Variants in ADGRB1 observed in about 807,000 individuals in gnomAD.
ADGRB1 encodes the protein brain-specific angiogenesis inhibitor 1.
Under a neutral mutation model 175.7 loss-of-function variants are expected in ADGRB1, and 36 were observed. That is an observed-to-expected ratio of 0.20 (90% CI 0.16 to 0.27). The LOEUF (loss-of-function observed/expected upper bound fraction) is 0.27, where lower values mean the gene tolerates loss of function less well. ADGRB1 is among the 10% of genes least tolerant of loss of function. The probability of loss-of-function intolerance (pLI) is 1.00; values close to 1 mark genes in which losing one functional copy is unlikely to be tolerated. For missense variants in ADGRB1, 1,731 were observed against 2,255.3 expected (o/e 0.77, Z 4.71); for synonymous variants, 1,054 against 979.4 (o/e 1.08, Z -1.42).
intron 17 of ADGRB1, among the ~76,000 whole-genome samples, chr8:142,507,304 G>A (rs1452293029): frequency 3.3e-5 from 5 of 152,306 alleles, no homozygotes; most frequent in South Asian, 2.1e-4. Flanking sequence ...CCAGGAGGAC[G>A]GAGGAGGTAG....
At chr8:142,505,512 T>A (rs1328449734) in intron 17 of ADGRB1, among the ~76,000 whole-genome samples, 2 of 151,400 alleles carry the variant, frequency 1.3e-5, no homozygotes, top group African/African-American at 4.9e-5. Flanking sequence ...CGACGTGAGG[T>A]GGGGATCCAC....
chr8:142,517,347 AC>A (rs1328273677), intron 18 of ADGRB1, among the ~76,000 whole-genome samples: 2 of 152,156 alleles, frequency 1.3e-5, no homozygotes, highest in African/African-American at 4.8e-5. Flanking sequence ...TATTCAGGTC[AC>A]CCCGGCACCC....
intron 26 of ADGRB1, among the ~76,000 whole-genome samples, chr8:142,538,943 G>A (rs551839455): frequency 1.6e-4 from 24 of 152,260 alleles, no homozygotes; most frequent in Non-Finnish European, 2.6e-4. Flanking sequence ...GCTCCCAGAC[G>A]CCTTGGAGAG....
chr8:142,480,573 G>A (rs1391586579), intron 9 of ADGRB1, among the ~76,000 whole-genome samples: 7 of 152,302 alleles, frequency 4.6e-5, no homozygotes, highest in East Asian at 1.9e-4. Context: ...GCACGGTGGC[G>A]TGCCTCCCCT....
intron 18 of ADGRB1, among the ~76,000 whole-genome samples, chr8:142,517,092 G>A (rs1026880027): frequency 6.6e-6 from 1 of 152,168 alleles, no homozygotes; most frequent in Non-Finnish European, 1.5e-5. Context: ...GGTCTTCTGG[G>A]GGCACCGCTG....
At chr8:142,471,165 A>G (rs1254552663) in intron 2 of ADGRB1, among the ~76,000 whole-genome samples, 1 of 152,104 alleles carries the variant, frequency 6.6e-6, no homozygotes, top group Non-Finnish European at 1.5e-5. Context: ...AGAAAACAAG[A>G]AGGCTTCAGT....
Position 142,518,133 on chromosome 8 carries a change from C to T in ADGRB1, c.2818-5C>T, listed in dbSNP as rs1226046510. The T allele has an allele frequency of 1.2e-6, 2 of 1,613,326 alleles. No individual in the cohort carries two copies. The highest frequency in any genetic ancestry group is 2.7e-5 in the African/African-American group (2 of 74,886). ...CTCCCTGCGGTCTCTTCCCGGTCCC[C>T]ACAGAACATGGAGAAGGCGACTCTG... On this transcript the variant is annotated splice_region_variant and splice_polypyrimidine_tract_variant and intron_variant, in intron 18 of 30. Transcript: ENST00000517894.
chr8:142,544,951 G>C lies in ADGRB1; in HGVS notation c.*534G>C, dbSNP rs1021442919. The C allele has an allele frequency of 2.0e-5, 3 of 152,784 alleles. No individual in the cohort carries two copies. Among genetic ancestry groups the C allele is most frequent in the Admixed American group, 2.0e-4 (3 of 15,294 alleles). 9.5% of individuals were successfully genotyped at this position (152,784 alleles called of 1,614,324 possible). On this transcript the variant is annotated 3_prime_UTR_variant, in exon 31 of 31. Transcript: ENST00000517894. ...TGAGTCCCCTCCAGGAAGAAGCAGG[G>C]GGGAATCTATTTTTTCTCTCCTTTT...
At chr8:142,478,024 C>G (rs1208504015) in intron 6 of ADGRB1, among the ~76,000 whole-genome samples, 163 bp from the exon 7 acceptor site, 1 of 151,528 alleles carries the variant, frequency 6.6e-6, no homozygotes, top group Non-Finnish European at 1.5e-5. Context: ...GTGTTCTCAC[C>G]CATGTCACAG....
At chr8:142,505,618 G>A (rs1212579662) in intron 17 of ADGRB1, among the ~76,000 whole-genome samples, 1 of 152,204 alleles carries the variant, frequency 6.6e-6, no homozygotes, top group African/African-American at 2.4e-5. Flanking sequence ...GCAGAGGAGA[G>A]AGTTGGGAGG....
chr8:142,535,212 T>C (rs1444560329), intron 25 of ADGRB1, among the ~76,000 whole-genome samples: 2 of 151,986 alleles, frequency 1.3e-5, no homozygotes, highest in Admixed American at 1.3e-4. Context: ...TGACGGGAGC[T>C]GCAAAGGAGA....
intron 24 of ADGRB1, 73 bp from the exon 25 acceptor site, chr8:142,533,222 G>A: frequency 7.2e-7 from 1 of 1,390,130 alleles, no homozygotes; most frequent in South Asian, 1.5e-5. Context: ...GAGGCCTGGA[G>A]ATGCAGGGTT....
At chr8:142,516,963 T>G (rs1843484192) in intron 18 of ADGRB1, among the ~76,000 whole-genome samples, 1 of 152,176 alleles carries the variant, frequency 6.6e-6, no homozygotes, top group South Asian at 2.1e-4. Flanking sequence ...CCTGGCATGC[T>G]GGGGCTGTGC....
chr8:142,518,774 G>A (rs1367077776), intron 19 of ADGRB1, among the ~76,000 whole-genome samples: 3 of 152,344 alleles, frequency 2.0e-5, no homozygotes, highest in South Asian at 2.1e-4. Context: ...GTGTGTGGAC[G>A]CGCCTCCAGG....
chr8:142,453,139 C>T (rs982311255), intron 1 of ADGRB1, among the ~76,000 whole-genome samples: 3 of 151,686 alleles, frequency 2.0e-5, no homozygotes, highest in Admixed American at 2.0e-4. Context: ...GGCCCGGTCC[C>T]CGTGTGCGGT....
At chr8:142,506,214 G>A (rs1842844269) in intron 17 of ADGRB1, among the ~76,000 whole-genome samples, 1 of 152,232 alleles carries the variant, frequency 6.6e-6, no homozygotes, top group African/African-American at 2.4e-5. Context: ...AGTCCCAATG[G>A]TGGCGGTCAC....
At chr8:142,495,776 C>T (rs74635563) in intron 17 of ADGRB1, among the ~76,000 whole-genome samples, 3,194 of 152,202 alleles carry the variant, frequency 0.021, 121 homozygotes, top group African/African-American at 0.072. Context: ...AGATCCATAA[C>T]TCAATTACAT....
chr8:142,515,130 G>A (rs772210671), intron 18 of ADGRB1, among the ~76,000 whole-genome samples: 7 of 152,084 alleles, frequency 4.6e-5, no homozygotes, highest in Non-Finnish European at 8.8e-5. Flanking sequence ...ATGCAGGGAG[G>A]GCCTCCGAGA....
chr8:142,519,872 G>C (rs1407849937), intron 19 of ADGRB1, among the ~76,000 whole-genome samples: 4 of 151,194 alleles, frequency 2.6e-5, no homozygotes, highest in Non-Finnish European at 4.4e-5. Context: ...TGATGGTGGT[G>C]CTGGTGATTG....
Sources: gnomAD v4.1 joint callset for allele counts (sites outside exome capture counted in the v4.1 genomes callset) on GRCh38, gnomAD v4.1.1 for gene constraint, MANE v1.5 for transcripts, NCBI Gene and HGNC (gene_info 2026-07-23, HGNC 2026-07-21) for gene names.